The following UBE2L5 variants were observed in gnomAD, a reference collection of about 807,000 sequenced individuals.
The protein encoded by UBE2L5 is ubiquitin conjugating enzyme E2 L5, also known as ubiquitin-conjugating enzyme E2 L5.
Under a neutral mutation model 10.0 loss-of-function variants are expected in UBE2L5, and 3 were observed. The ratio of observed to expected loss-of-function variants is 0.30; its 90% confidence interval spans 0.14 to 0.78. The LOEUF (loss-of-function observed/expected upper bound fraction) is 0.78, where lower values mean the gene tolerates loss of function less well. Among genes scored for constraint, UBE2L5 ranks in the 30% least tolerant of loss-of-function variants. The pLI is 0.65. For missense variants in UBE2L5, 131 were observed against 193.3 expected (o/e 0.68, Z 1.91); for synonymous variants, 60 against 71.9 (o/e 0.83, Z 0.83).
Position 30,428,587 on chromosome 13 carries a change from T to C in UBE2L5, c.*132T>C, listed in dbSNP as rs1885575042. ...GCGTTCGCTTGCAGCAGTTACTAAC[T>C]TTCTACAGTTTTCTTAATTAAAAGT... On this transcript the variant is annotated 3_prime_UTR_variant, in exon 4 of 4. Coordinates refer to ENST00000635918, the MANE Select transcript of UBE2L5 (RefSeq NM_001355247.2). 2 of 968,462 alleles carry C rather than the reference T, an allele frequency of 2.1e-6. No homozygotes were observed. Among genetic ancestry groups the C allele is most frequent in the East Asian group, 2.7e-5 (1 of 37,714 alleles). 60.0% of individuals were successfully genotyped at this position (968,462 alleles called of 1,614,324 possible). A position where few individuals can be genotyped will look rare whatever the true frequency, so the allele number is the denominator to read the frequency against.
rs943278287 is a variant in UBE2L5, at chr13:30,429,625, T to C, written c.*1170T>C. The stretch of plus-strand genomic sequence containing the variant: ...TAGTAATTGGTGATAAGATTTGTCC[T>C]GTAGAACATATACATAGAGGATTGT... On this transcript the variant is annotated 3_prime_UTR_variant, in exon 4 of 4. Transcript: ENST00000635918. Among the ~76,000 whole-genome samples the C allele has an allele frequency of 4.6e-5, 7 of 152,238 alleles. No individual in the cohort carries two copies. Among genetic ancestry groups the C allele is most frequent in the African/African-American group, 9.6e-5 (4 of 41,470 alleles).
chr13:30,428,200 TAA>T lies in UBE2L5; in HGVS notation c.213_214del (p.Lys71AsnfsTer20). 1.2e-6 allele frequency: 2 copies of T among 1,608,106 alleles called. No individual in the cohort carries two copies. Among genetic ancestry groups the T allele is most frequent in the Non-Finnish European group, 1.7e-6 (2 of 1,174,596 alleles). ...CATTCAAACCACCGAGGATCACATT[TAA>T]AACAAAGATCTATCACCCGAACATC... ...YPFKPPRITF[K>X]TKIYHPNIDE... On this transcript the variant is annotated frameshift_variant, in exon 4 of 4. Coordinates refer to ENST00000635918, the MANE Select transcript of UBE2L5 (RefSeq NM_001355247.2). LOFTEE classifies it high-confidence loss of function.
In UBE2L5 at chr13:30,427,587, G is replaced by T. The variant is rs1885555048; in HGVS notation, c.-404G>T. Reference sequence around the variant, plus strand: ...GACTAACGCGGGCGGATCACTTGAGGTCAGGAGTTCGAGACTAGCCAGGCC... The same window carrying T: ...GACTAACGCGGGCGGATCACTTGAGTTCAGGAGTTCGAGACTAGCCAGGCC... On this transcript the variant is annotated 5_prime_UTR_variant, in exon 4 of 4. Coordinates refer to ENST00000635918, the MANE Select transcript of UBE2L5 (RefSeq NM_001355247.2). 5.2e-6 allele frequency: 1 copy of T among 192,602 alleles called. No homozygotes were observed. Among genetic ancestry groups the T allele is most frequent in the South Asian group, 1.0e-4 (1 of 9,800 alleles). The allele number at this position is 192,602 out of a possible 1,614,324, so 11.9% of individuals were successfully genotyped here.
At chr13:30,425,134 AG>A (rs747962922) in intron 2 of UBE2L5, among the ~76,000 whole-genome samples, 11 of 152,182 alleles carry the variant, frequency 7.2e-5, no homozygotes, top group Non-Finnish European at 1.3e-4. Flanking sequence ...ATGGGGCCTG[AG>A]GGTTAACATT....
intron 2 of UBE2L5, among the ~76,000 whole-genome samples, chr13:30,426,069 G>C (rs1488333642): frequency 6.6e-6 from 1 of 152,092 alleles, no homozygotes; most frequent in Admixed American, 6.6e-5. Flanking sequence ...CCAGCACTTT[G>C]GGAGGCCAAG....
Position 30,427,812 on chromosome 13 carries a change from A to AG in UBE2L5, c.-179_-178insG. On this transcript the variant is annotated 5_prime_UTR_variant, in exon 4 of 4. It introduces an in-frame stop codon into an upstream open reading frame of the 5' UTR. Coordinates refer to ENST00000635918, the MANE Select transcript of UBE2L5 (RefSeq NM_001355247.2). ...GAGAGAGACTCTGGCTAAAAAAAAA[A>AG]AAAATTATAATGTATAGGATTGTGG... 1 of 595,368 alleles carries AG rather than the reference A, an allele frequency of 1.7e-6. No individual in the cohort carries two copies. Among genetic ancestry groups the AG allele is most frequent in the East Asian group, 2.9e-5 (1 of 34,862 alleles). The allele number at this position is 595,368 out of a possible 1,614,324, so 36.9% of individuals were successfully genotyped here.
At position 30,428,777 on chromosome 13, in the gene UBE2L5, A is replaced by G. The variant is rs1283360442; in HGVS notation, c.*322A>G. Among the ~76,000 whole-genome samples, 1 of 151,900 alleles carries G rather than the reference A, an allele frequency of 6.6e-6. No homozygotes were observed. Among genetic ancestry groups the G allele is most frequent in the African/African-American group, 2.4e-5 (1 of 41,396 alleles). On this transcript the variant is annotated 3_prime_UTR_variant, in exon 4 of 4. Coordinates refer to ENST00000635918, the MANE Select transcript of UBE2L5 (RefSeq NM_001355247.2). Reference sequence around the variant, plus strand: ...AGAGTTCAGACATCAGGATGTTGACACAGTGTCCTACCAGAACCCAGGGTT... The same window carrying G: ...AGAGTTCAGACATCAGGATGTTGACGCAGTGTCCTACCAGAACCCAGGGTT...
At position 30,429,555 on chromosome 13, in the gene UBE2L5, C is replaced by T. The variant is rs528948354; in HGVS notation, c.*1100C>T. Among the ~76,000 whole-genome samples the T allele has an allele frequency of 1.3e-5, 2 of 152,136 alleles. No homozygotes were observed. Among genetic ancestry groups the T allele is most frequent in the Non-Finnish European group, 2.9e-5 (2 of 68,032 alleles). On this transcript the variant is annotated 3_prime_UTR_variant, in exon 4 of 4. Coordinates refer to ENST00000635918, the MANE Select transcript of UBE2L5 (RefSeq NM_001355247.2). Reference sequence around the variant, plus strand: ...ATATTCTCCATCCCCCATCCCCCACCGCCTCTCCAGTAAGGACTTTTTGAC... The same window carrying T: ...ATATTCTCCATCCCCCATCCCCCACTGCCTCTCCAGTAAGGACTTTTTGAC...
At chr13:30,424,392 G>C (rs973063889) in intron 1 of UBE2L5, among the ~76,000 whole-genome samples, 1 of 152,172 alleles carries the variant, frequency 6.6e-6, no homozygotes, top group African/African-American at 2.4e-5. Context: ...AATTTCTGGA[G>C]ATTCCTTTAG....
intron 2 of UBE2L5, among the ~76,000 whole-genome samples, chr13:30,425,783 G>T (rs1885530255): frequency 6.6e-6 from 1 of 152,164 alleles, no homozygotes; most frequent in Non-Finnish European, 1.5e-5. Context: ...AGCACTTTGG[G>T]AGTCCAAGGC....
chr13:30,428,272 C>G lies in UBE2L5; in HGVS notation c.282C>G (p.Asn94Lys), dbSNP rs1885569172. Reference sequence around the variant, plus strand: ...GTCTGCCAGTAATTAGTGCTGAAAACTGGAAGCCAGCAACCAAAACCGACC... The same window carrying G: ...GTCTGCCAGTAATTAGTGCTGAAAAGTGGAAGCCAGCAACCAAAACCGACC... ...QVCLPVISAE[N>K]WKPATKTDQV... Residue 94 changes from asparagine to lysine, a missense_variant, in exon 4 of 4, where the codon AAC (asparagine) becomes AAG (lysine). Asn to Lys is a moderately conservative substitution (Grantham distance 94, BLOSUM62 0). Transcript: ENST00000635918. 6.2e-7 allele frequency: 1 copy of G among 1,607,564 alleles called. No individual in the cohort carries two copies. The highest frequency in any genetic ancestry group is 8.5e-7 in the Non-Finnish European group (1 of 1,176,394).
Position 30,428,194 on chromosome 13 carries a change from C to T in UBE2L5, c.204C>T (p.Ile68=). 1 of 1,607,512 alleles carries T rather than the reference C, an allele frequency of 6.2e-7. No homozygotes were observed. Among genetic ancestry groups the T allele is most frequent in the South Asian group, 1.1e-5 (1 of 90,922 alleles). Residue 68 remains isoleucine, a synonymous_variant, in exon 4 of 4, where the codon ATC becomes ATT. Transcript: ENST00000635918. ...AGTACCCATTCAAACCACCGAGGAT[C>T]ACATTTAAAACAAAGATCTATCACC... ...PAEYPFKPPR[I]TFKTKIYHPN... is the part of the protein sequence containing the mutation.
At position 30,428,839 on chromosome 13, in the gene UBE2L5, A is replaced by C. The variant is rs7318404; in HGVS notation, c.*384A>C. Among the ~76,000 whole-genome samples, 48,282 of 142,850 alleles carry C rather than the reference A, an allele frequency of 0.34. 8,662 individuals carry two copies. Among genetic ancestry groups the C allele is most frequent in the East Asian group, 0.42 (1,999 of 4,750 alleles). 93.7% of individuals were successfully genotyped at this position (142,850 alleles called of 152,430 possible). A position where few individuals can be genotyped will look rare whatever the true frequency, so the allele number is the denominator to read the frequency against. ...CATAAAAGAAAAGAGATTGTATGCT[A>C]TATTCCTTGCTTTTTTTTTTTTTTT... On this transcript the variant is annotated 3_prime_UTR_variant, in exon 4 of 4. Transcript: ENST00000635918.
At position 30,428,849 on chromosome 13, in the gene UBE2L5, C is replaced by CTT. The variant is rs56343313; in HGVS notation, c.*411_*412dup. 0.33 allele frequency among the ~76,000 whole-genome samples: 40,039 copies of CTT among 123,092 alleles called. 7,376 individuals carry two copies. The highest frequency in any genetic ancestry group is 0.38 in the Non-Finnish European group (23,674 of 61,494). The allele number at this position is 123,092 out of a possible 152,430, so 80.8% of individuals were successfully genotyped here. ...AAGAGATTGTATGCTATATTCCTTGCTTTTTTTTTTTTTTTTTTGGTGGAT... is the reference window on the plus strand; with the variant it reads ...AAGAGATTGTATGCTATATTCCTTGCTTTTTTTTTTTTTTTTTTTTGGTGGAT... On this transcript the variant is annotated 3_prime_UTR_variant, in exon 4 of 4. Transcript: ENST00000635918.
At position 30,429,438 on chromosome 13, in the gene UBE2L5, AG is replaced by A. The variant is rs1885593067; in HGVS notation, c.*984del. Among the ~76,000 whole-genome samples, 1 of 152,210 alleles carries A rather than the reference AG, an allele frequency of 6.6e-6. No individual in the cohort carries two copies. Among genetic ancestry groups the A allele is most frequent in the Admixed American group, 6.5e-5 (1 of 15,282 alleles). On this transcript the variant is annotated 3_prime_UTR_variant, in exon 4 of 4. Transcript: ENST00000635918. Reference sequence around the variant, plus strand: ...AACGCATGCAAATTTCACAGACAAAAGAGTAGCTTTGCCACCTCTCATTTTG... The same window carrying A: ...AACGCATGCAAATTTCACAGACAAAAAGTAGCTTTGCCACCTCTCATTTTG...
Position 30,427,832 on chromosome 13 carries a change from T to C in UBE2L5, c.-159T>C, listed in dbSNP as rs1885560617. 1 of 667,944 alleles carries C rather than the reference T, an allele frequency of 1.5e-6. No homozygotes were observed. The highest frequency in any genetic ancestry group is 1.8e-5 in the African/African-American group (1 of 54,944). 41.4% of individuals were successfully genotyped at this position (667,944 alleles called of 1,614,324 possible). On this transcript the variant is annotated 5_prime_UTR_variant, in exon 4 of 4. Coordinates refer to ENST00000635918, the MANE Select transcript of UBE2L5 (RefSeq NM_001355247.2). ...AAAAAAAAAATTATAATGTATAGGA[T>C]TGTGGATGATCACTCTAACCAACCA...
intron 2 of UBE2L5, among the ~76,000 whole-genome samples, chr13:30,425,270 C>G (rs943336545): frequency 1.3e-5 from 2 of 152,244 alleles, no homozygotes; most frequent in African/African-American, 4.8e-5. Flanking sequence ...GATTCCCTGG[C>G]TGGTCCTGGC....
intron 1 of UBE2L5, among the ~76,000 whole-genome samples, chr13:30,424,583 A>G (rs1885512268): frequency 6.6e-6 from 1 of 152,212 alleles, no homozygotes; most frequent in African/African-American, 2.4e-5. Context: ...AGTGTAAAGC[A>G]AGTTATATAC....
chr13:30,428,627 G>A lies in UBE2L5; in HGVS notation c.*172G>A. The A allele has an allele frequency of 1.6e-6, 1 of 619,574 alleles. No individual in the cohort carries two copies. Among genetic ancestry groups the A allele is most frequent in the Non-Finnish European group, 2.6e-6 (1 of 384,638 alleles). 38.4% of individuals were successfully genotyped at this position (619,574 alleles called of 1,614,324 possible). A position where few individuals can be genotyped will look rare whatever the true frequency, so the allele number is the denominator to read the frequency against. On this transcript the variant is annotated 3_prime_UTR_variant, in exon 4 of 4. Coordinates refer to ENST00000635918, the MANE Select transcript of UBE2L5 (RefSeq NM_001355247.2). ...TAATTAAAAGTGGTCTAGGTAACCT[G>A]TAAAGAAAGGATTAAAAATTTAAGA...
Sources: gnomAD v4.1 joint callset for allele counts (sites outside exome capture counted in the v4.1 genomes callset) on GRCh38, gnomAD v4.1.1 for gene constraint, MANE v1.5 for transcripts, NCBI Gene and HGNC (gene_info 2026-07-23, HGNC 2026-07-21) for gene names.